OLA1: variants seen among roughly 807,000 people sequenced by gnomAD.
The protein encoded by OLA1 is Obg like ATPase 1.
In OLA1, 14 loss-of-function variants were observed where a neutral mutation model predicts 48.4. The observed-to-expected ratio is 0.29, with a 90% confidence interval of 0.19 to 0.45. The LOEUF is 0.45. Among genes scored for constraint, OLA1 ranks in the 20% least tolerant of loss-of-function variants. The probability of loss-of-function intolerance (pLI) is 1.00; values close to 1 mark genes in which losing one functional copy is unlikely to be tolerated. For synonymous variants in OLA1, 127 were observed against 150.4 expected (o/e 0.84, Z 1.14); for missense variants, 325 against 467.1 (o/e 0.70, Z 2.80).
At chr2:174,115,579 G>C (rs1685762405) in intron 7 of OLA1, among the ~76,000 whole-genome samples, 1 of 152,056 alleles carries the variant, frequency 6.6e-6, no homozygotes, top group Non-Finnish European at 1.5e-5. Flanking sequence ...TTTTTCAAGT[G>C]GTTGTCTTCA....
At chr2:174,109,521 T>C (rs1312472636) in intron 7 of OLA1, among the ~76,000 whole-genome samples, 3 of 152,350 alleles carry the variant, frequency 2.0e-5, no homozygotes, top group African/African-American at 7.2e-5. Flanking sequence ...CAGTAACACT[T>C]AAAAGCTTTT....
At chr2:174,142,666 T>G (rs979520289) in intron 4 of OLA1, among the ~76,000 whole-genome samples, 1 of 152,178 alleles carries the variant, frequency 6.6e-6, no homozygotes, top group Non-Finnish European at 1.5e-5. Flanking sequence ...GTTGAAGCCA[T>G]AATTTCAAAT....
chr2:174,173,436 AT>A (rs768184323), intron 4 of OLA1, among the ~76,000 whole-genome samples: 79 of 152,198 alleles, frequency 5.2e-4, no homozygotes, highest in Non-Finnish European at 9.6e-4. Context: ...TAACAAACAT[AT>A]TTTTAAGCCT....
chr2:174,234,817 A>G (rs1421198535), intron 2 of OLA1, among the ~76,000 whole-genome samples: 1 of 152,172 alleles, frequency 6.6e-6, no homozygotes, highest in Non-Finnish European at 1.5e-5. Flanking sequence ...ATGTGGTGAT[A>G]CAGCAATACA....
chr2:174,195,323 T>A (rs1396362402), intron 4 of OLA1, among the ~76,000 whole-genome samples: 3 of 152,142 alleles, frequency 2.0e-5, no homozygotes, highest in African/African-American at 7.2e-5. Flanking sequence ...AAATTTTTTT[T>A]AAATATGCTG....
At chr2:174,219,423 C>CTTTT (rs372577919) in intron 4 of OLA1, among the ~76,000 whole-genome samples, 95 of 94,908 alleles carry the variant, frequency 1.0e-3, no homozygotes, top group African/African-American at 1.1e-3. Flanking sequence ...TTTTATTTCC[C>CTTTT]TTTTTTTTTT....
At chr2:174,145,050 C>G (rs1214926619) in intron 4 of OLA1, among the ~76,000 whole-genome samples, 1 of 139,474 alleles carries the variant, frequency 7.2e-6, no homozygotes, top group African/African-American at 2.7e-5. Flanking sequence ...GACAAATTAC[C>G]TAACCTCTAT....
chr2:174,200,274 A>G (rs1687962645), intron 4 of OLA1, among the ~76,000 whole-genome samples: 1 of 152,196 alleles, frequency 6.6e-6, no homozygotes, highest in Non-Finnish European at 1.5e-5. Context: ...ATTACTTTGG[A>G]GGCTATTAAT....
intron 4 of OLA1, among the ~76,000 whole-genome samples, chr2:174,178,782 T>C (rs1473498537): frequency 6.6e-6 from 1 of 151,970 alleles, no homozygotes; most frequent in African/African-American, 2.4e-5. Context: ...AAAAAACTTG[T>C]ACAAACTTGA....
intron 2 of OLA1, among the ~76,000 whole-genome samples, chr2:174,238,679 A>G (rs1688921150): frequency 6.6e-6 from 1 of 152,170 alleles, no homozygotes; most frequent in Non-Finnish European, 1.5e-5. Context: ...ATAGTTAAAT[A>G]TACAGTCACA....
chr2:174,141,811 A>G lies in OLA1; in HGVS notation c.549+14T>C, dbSNP rs1045237402. On this transcript the variant is annotated intron_variant, in intron 5 of 10. Coordinates refer to ENST00000284719, the MANE Select transcript of OLA1 (RefSeq NM_013341.5). ...ACTCTTGAGTATCTAAAGAAGCTGT[A>G]AATTTTTACTTACATATTCAGGTTT... 7 of 1,576,870 alleles carry G rather than the reference A, an allele frequency of 4.4e-6. No homozygotes were observed. Among genetic ancestry groups the G allele is most frequent in the Non-Finnish European group, 5.1e-6 (6 of 1,165,708 alleles).
intron 3 of OLA1, among the ~76,000 whole-genome samples, chr2:174,228,518 T>G (rs1227223499): frequency 1.3e-5 from 2 of 152,156 alleles, no homozygotes; most frequent in Non-Finnish European, 2.9e-5. Context: ...CCCCTCTCAT[T>G]ATATATTTCC....
intron 7 of OLA1, among the ~76,000 whole-genome samples, chr2:174,089,725 A>C (rs531005812): frequency 9.2e-5 from 14 of 151,994 alleles, no homozygotes; most frequent in African/African-American, 3.4e-4. Flanking sequence ...AACATGGTGA[A>C]ACGACGTTTC....
At chr2:174,200,639 A>G (rs1423966058) in intron 4 of OLA1, among the ~76,000 whole-genome samples, 1 of 152,206 alleles carries the variant, frequency 6.6e-6, no homozygotes, top group African/African-American at 2.4e-5. Flanking sequence ...ACACATAACA[A>G]ATGTTTAAAC....
chr2:174,175,184 A>G (rs1032296041), intron 4 of OLA1, among the ~76,000 whole-genome samples: 4 of 151,946 alleles, frequency 2.6e-5, no homozygotes, highest in African/African-American at 9.7e-5. Context: ...TATCTGTAAC[A>G]CAGCGCTGGG....
chr2:174,091,024 G>C (rs550252923), intron 7 of OLA1, among the ~76,000 whole-genome samples: 1 of 152,260 alleles, frequency 6.6e-6, no homozygotes, highest in Admixed American at 6.5e-5. Flanking sequence ...ACAATTTCTT[G>C]AGGTCGGAGA....
chr2:174,204,738 T>C (rs868528679), intron 4 of OLA1, among the ~76,000 whole-genome samples: 1 of 107,198 alleles, frequency 9.3e-6, no homozygotes, highest in Non-Finnish European at 1.9e-5. Context: ...GATATAATAT[T>C]CATAAAAAAA....
chr2:174,244,205 C>G (rs957690104), intron 2 of OLA1, among the ~76,000 whole-genome samples: 6 of 152,136 alleles, frequency 3.9e-5, no homozygotes, highest in African/African-American at 1.4e-4. Context: ...AGAATCCTAC[C>G]TGATACAGTT....
At chr2:174,116,466 A>G (rs945723237) in intron 7 of OLA1, among the ~76,000 whole-genome samples, 8 of 152,220 alleles carry the variant, frequency 5.3e-5, no homozygotes, top group Non-Finnish European at 1.0e-4. Flanking sequence ...CTCTTATTCT[A>G]GCCAAAGCAA....
Sources: gnomAD v4.1 joint callset for allele counts (sites outside exome capture counted in the v4.1 genomes callset) on GRCh38, gnomAD v4.1.1 for gene constraint, MANE v1.5 for transcripts, NCBI Gene and HGNC (gene_info 2026-07-23, HGNC 2026-07-21) for gene names.